The following LOXL4 variants were observed in gnomAD, a reference collection of about 807,000 sequenced individuals.
LOXL4 encodes the protein lysyl oxidase like 4.
LOXL4 carries 72 observed loss-of-function variants against 89.1 expected under a neutral mutation model. The observed-to-expected ratio is 0.81, with a 90% confidence interval of 0.67 to 0.98. LOXL4 has a LOEUF of 0.98. LOXL4 is among the 50% of genes least tolerant of loss of function. LOXL4 has a pLI of 0.00. For synonymous variants in LOXL4, 355 were observed against 392.1 expected (o/e 0.91, Z 1.12); for missense variants, 984 against 1,017.5 (o/e 0.97, Z 0.45).
Position 98,262,811 on chromosome 10 carries a change from GC to G in LOXL4, c.208del (p.Ala70LeufsTer11). ...AGCTTCGAAGCCCAGCTGGCGGCAA[GC>G]CACTGTGGCCTCCTGGATAGCAAAG... ...DNFAIQEATV[A>X]CRQLGFEAAL... On this transcript the variant is annotated frameshift_variant, in exon 2 of 15. Transcript: ENST00000260702. LOFTEE classifies it high-confidence loss of function. 1 of 1,613,672 alleles carries G rather than the reference GC, an allele frequency of 6.2e-7. No individual in the cohort carries two copies. The highest frequency in any genetic ancestry group is 8.5e-7 in the Non-Finnish European group (1 of 1,180,044).
chr10:98,254,297 C>T (rs575237475), intron 10 of LOXL4, among the ~76,000 whole-genome samples: 1 of 152,338 alleles, frequency 6.6e-6, no homozygotes, highest in Admixed American at 6.5e-5. Context: ...GATACCTAAC[C>T]TGGATACTTT....
At chr10:98,249,110 C>T (rs2135819881) in intron 14 of LOXL4, 119 bp from the exon 15 acceptor site, 2 of 732,302 alleles carry the variant, frequency 2.7e-6, no homozygotes, top group East Asian at 5.4e-5. Flanking sequence ...GGCATGGGCA[C>T]AGACACCAAT....
At chr10:98,250,673 CAG>C (rs760310789) in intron 14 of LOXL4, among the ~76,000 whole-genome samples, 162 of 152,260 alleles carry the variant, frequency 1.1e-3, no homozygotes, top group Admixed American at 2.2e-3. Context: ...GACAGCAACA[CAG>C]AGCAAGAGGA....
chr10:98,252,605 C>T (rs545993261), intron 11 of LOXL4, 137 bp from the exon 12 acceptor site: 303 of 611,112 alleles, frequency 5.0e-4, no homozygotes, highest in Non-Finnish European at 7.5e-4. Flanking sequence ...TTCTCCCTCC[C>T]AAACCCGAGA....
intron 12 of LOXL4, among the ~76,000 whole-genome samples, 168 bp from the exon 13 acceptor site, chr10:98,251,870 GAT>G (rs1858203135): frequency 6.6e-6 from 1 of 152,232 alleles, no homozygotes; most frequent in Non-Finnish European, 1.5e-5. Flanking sequence ...TTGTGACAAA[GAT>G]AGGATTTGTT....
At position 98,248,776 on chromosome 10, in the gene LOXL4, G is replaced by T; in HGVS notation, c.*145C>A. On this transcript the variant is annotated 3_prime_UTR_variant, in exon 15 of 15. Transcript: ENST00000260702. ...CAATACCATCTGGATTGGTGATCTTGCCATCAAAAGGCTTCCTGAGCAGGT... is the reference window on the plus strand; with the variant it reads ...CAATACCATCTGGATTGGTGATCTTTCCATCAAAAGGCTTCCTGAGCAGGT... 1.5e-6 allele frequency: 1 copy of T among 685,910 alleles called. No homozygotes were observed. Among genetic ancestry groups the T allele is most frequent in the Non-Finnish European group, 2.5e-6 (1 of 395,248 alleles). 42.5% of individuals were successfully genotyped at this position (685,910 alleles called of 1,614,324 possible). A position where few individuals can be genotyped will look rare whatever the true frequency, so the allele number is the denominator to read the frequency against.
chr10:98,253,421 G>A, intron 11 of LOXL4, 132 bp downstream of exon 11: 1 of 1,313,658 alleles, frequency 7.6e-7, no homozygotes. Flanking sequence ...GCCTCCTGCA[G>A]GCAAGGCCAG....
Position 98,256,776 on chromosome 10 carries a change from C to G in LOXL4, c.1428+4G>C. ...CATACGGAAGAAACAACAGAGGGAC[C>G]TACCTTGTAGGCATGGATGGCAAAA... On this transcript the variant is annotated splice_donor_region_variant and intron_variant, in intron 9 of 14. Transcript: ENST00000260702. 1 of 1,614,064 alleles carries G rather than the reference C, an allele frequency of 6.2e-7. No individual in the cohort carries two copies. The highest frequency in any genetic ancestry group is 8.5e-7 in the Non-Finnish European group (1 of 1,180,046).
At chr10:98,258,944 C>T (rs1462054755) in intron 6 of LOXL4, 65 bp downstream of exon 6, 15 of 1,357,814 alleles carry the variant, frequency 1.1e-5, no homozygotes, top group Admixed American at 2.5e-5. Context: ...CCCGCACCCC[C>T]CACCAGGCAG....
chr10:98,257,906 T>C, intron 7 of LOXL4, 75 bp downstream of exon 7: 2 of 1,576,294 alleles, frequency 1.3e-6, no homozygotes, highest in Non-Finnish European at 8.7e-7. Context: ...CCTGGCCCTG[T>C]CACCCCAGGG....
intron 4 of LOXL4, among the ~76,000 whole-genome samples, chr10:98,259,643 C>T (rs188916575): frequency 1.3e-3 from 196 of 152,330 alleles, no homozygotes; most frequent in African/African-American, 4.3e-3. Context: ...CAAGGTCCCT[C>T]GGCCAGTCCT....
chr10:98,252,317 G>C (rs760814532), intron 12 of LOXL4, 36 bp downstream of exon 12: 4 of 1,466,770 alleles, frequency 2.7e-6, no homozygotes, highest in Non-Finnish European at 3.8e-6. Flanking sequence ...CATAACAAAA[G>C]GAGATGCTGA....
At chr10:98,255,502 C>T in intron 10 of LOXL4, 75 bp downstream of exon 10, 2 of 1,485,954 alleles carry the variant, frequency 1.3e-6, no homozygotes, top group South Asian at 1.3e-5. Flanking sequence ...AGACCTGGGA[C>T]CAGCATGCAG....
chr10:98,254,168 A>T (rs1012973390), intron 10 of LOXL4, among the ~76,000 whole-genome samples: 2 of 152,252 alleles, frequency 1.3e-5, no homozygotes, highest in Non-Finnish European at 2.9e-5. Context: ...GACACCTGTA[A>T]CATGTCTGGC....
rs114630572 is a variant in LOXL4 at position 98,250,124 on chromosome 10, A to G, written c.2200+941T>C. 6.7e-3 allele frequency among the ~76,000 whole-genome samples: 1,023 copies of G among 152,354 alleles called. 17 individuals are homozygous for G. The highest frequency in any genetic ancestry group is 0.023 in the African/African-American group (943 of 41,582). On this transcript the variant is annotated intron_variant, in intron 14 of 14. Coordinates refer to ENST00000260702, the MANE Select transcript of LOXL4 (RefSeq NM_032211.7). Reference sequence around the variant, plus strand: ...GGTCGTGATTTCCTCACTGTCCTCCAGCTAGAAAGTGGTGGGACTGGATTC... The same window carrying G: ...GGTCGTGATTTCCTCACTGTCCTCCGGCTAGAAAGTGGTGGGACTGGATTC...
At chr10:98,255,315 T>C in intron 10 of LOXL4, among the ~76,000 whole-genome samples, 1 of 152,244 alleles carries the variant, frequency 6.6e-6, no homozygotes, top group South Asian at 2.1e-4. Flanking sequence ...CTGTTGGTCA[T>C]AACCCAAAGT....
chr10:98,266,118 C>T (rs993675313), intron 1 of LOXL4, among the ~76,000 whole-genome samples: 1 of 152,140 alleles, frequency 6.6e-6, no homozygotes. Flanking sequence ...GGTAGACAGC[C>T]AGGGACTGAG....
At chr10:98,256,546 A>ATT in intron 9 of LOXL4, 1 of 566,928 alleles carries the variant, frequency 1.8e-6, no homozygotes, top group Non-Finnish European at 3.1e-6. Context: ...TGTCTGACTA[A>ATT]TTTCTATTCA....
chr10:98,261,097 G>T lies in LOXL4; in HGVS notation c.487C>A (p.Pro163Thr), dbSNP rs775655675. The change falls in exon 4 of 15, where the codon CCC becomes ACC. Residue 163 changes from proline to threonine, a missense_variant. Transcript: ENST00000260702. ...TGCTGCTTGGCACTGGCAAGGATGG[G>T]CTTGAGCCGCACCTCCTCCAGCCGC... ...GRRLEEVRLK[P>T]ILASAKQHSP... 2 of 1,613,154 alleles carry T rather than the reference G, an allele frequency of 1.2e-6. No homozygotes were observed. The highest frequency in any genetic ancestry group is 1.1e-5 in the South Asian group (1 of 91,082).
Sources: gnomAD v4.1 joint callset for allele counts (sites outside exome capture counted in the v4.1 genomes callset) on GRCh38, gnomAD v4.1.1 for gene constraint, MANE v1.5 for transcripts, NCBI Gene and HGNC (gene_info 2026-07-23, HGNC 2026-07-21) for gene names.